SOX5: variants seen among roughly 807,000 people sequenced by gnomAD.
The protein encoded by SOX5 is transcription factor SOX-5.
A neutral mutation model predicts 92.0 loss-of-function variants in SOX5; 9 were observed. That is an observed-to-expected ratio of 0.10 (90% confidence interval 0.06 to 0.17). The LOEUF (loss-of-function observed/expected upper bound fraction) is 0.17. SOX5 is among the 10% of genes least tolerant of loss of function. SOX5 has a pLI of 1.00. For missense variants in SOX5, 642 were observed against 944.5 expected, an observed-to-expected ratio of 0.68 and a Z score of 4.20; for synonymous variants, 344 against 336.3, an observed-to-expected ratio of 1.02 and a Z score of -0.25.
intron 3 of SOX5, among the ~76,000 whole-genome samples, chr12:23,820,448 T>G (rs576486366): frequency 1.2e-4 from 18 of 152,364 alleles, no homozygotes; most frequent in African/African-American, 4.3e-4. Context: ...TTTGTCAATT[T>G]TGGCTTGTGT....
chr12:24,474,049 A>G (rs1196831949), intron 1 of SOX5, among the ~76,000 whole-genome samples: 2 of 152,318 alleles, frequency 1.3e-5, no homozygotes, highest in Middle Eastern at 3.4e-3. Flanking sequence ...TACATAAAAC[A>G]TAAACATGGT....
chr12:24,435,515 A>G (rs949812120), intron 1 of SOX5, among the ~76,000 whole-genome samples: 9 of 152,230 alleles, frequency 5.9e-5, no homozygotes, highest in African/African-American at 2.2e-4. Flanking sequence ...CTACTACTAG[A>G]TTATACATTT....
In SOX5 at chr12:24,009,289, G is replaced by A. The variant is rs548733773; in HGVS notation, c.-1-113265C>T. ...TGTTTAAGCCTCTGAGTGTTGGGTT[G>A]GTTTTTAATGTAGCTATAGATAAAC... On this transcript the variant is annotated intron_variant, in intron 4 of 4. Coordinates refer to the SOX5 transcript ENST00000446891. 2.7e-4 allele frequency among the ~76,000 whole-genome samples: 41 copies of A among 152,256 alleles called. No homozygotes were observed. In the South Asian group the frequency reaches 6.4e-3, roughly 24 times the overall value.
At chr12:24,260,187 AC>A (rs1941879747) in intron 3 of SOX5, among the ~76,000 whole-genome samples, 1 of 152,220 alleles carries the variant, frequency 6.6e-6, no homozygotes, top group African/African-American at 2.4e-5. Flanking sequence ...AAACAGGCAC[AC>A]TGGAGAAGAG....
At chr12:24,490,389 T>G (rs1239537204) in intron 1 of SOX5, among the ~76,000 whole-genome samples, 1 of 152,224 alleles carries the variant, frequency 6.6e-6, no homozygotes, top group African/African-American at 2.4e-5. Flanking sequence ...AATAGATTGC[T>G]TTTATAGTAC....
intron 9 of SOX5, among the ~76,000 whole-genome samples, chr12:23,595,287 G>A (rs1194952556): frequency 2.0e-5 from 3 of 152,122 alleles, no homozygotes; most frequent in Admixed American, 1.3e-4. Context: ...TATTGTTTGG[G>A]ATCCTGATTA....
intron 3 of SOX5, chr12:23,762,622 A>AG: frequency 1.8e-6 from 1 of 541,322 alleles, no homozygotes; most frequent in Non-Finnish European, 3.3e-6. Flanking sequence ...AGAAAAAAAA[A>AG]AAAGTCTTTG....
At chr12:23,626,993 A>G (rs1352472045) in intron 8 of SOX5, among the ~76,000 whole-genome samples, 1 of 152,170 alleles carries the variant, frequency 6.6e-6, no homozygotes, top group Non-Finnish European at 1.5e-5. Flanking sequence ...GTATTTGTAG[A>G]GCAATATGGG....
chr12:24,179,260 T>C (rs1955188760), intron 4 of SOX5, among the ~76,000 whole-genome samples: 1 of 152,228 alleles, frequency 6.6e-6, no homozygotes. Flanking sequence ...ACACTTTCCA[T>C]GGAAAAGGTG....
intron 6 of SOX5, among the ~76,000 whole-genome samples, chr12:23,721,937 C>T (rs1269024450): frequency 1.3e-5 from 2 of 152,102 alleles, no homozygotes; most frequent in African/African-American, 2.4e-5. Context: ...TATGGGTTAT[C>T]GAACTGAAAC....
chr12:24,201,229 G>T (rs774187203), intron 4 of SOX5, among the ~76,000 whole-genome samples: 1 of 152,000 alleles, frequency 6.6e-6, no homozygotes, highest in Non-Finnish European at 1.5e-5. Context: ...TCCAGCAAAA[G>T]TATTTCCACT....
At chr12:24,034,042 T>C (rs1177716921) in intron 4 of SOX5, among the ~76,000 whole-genome samples, 1 of 152,058 alleles carries the variant, frequency 6.6e-6, no homozygotes, top group Non-Finnish European at 1.5e-5. Context: ...ACACCAAATT[T>C]AGGACTATCA....
intron 8 of SOX5, among the ~76,000 whole-genome samples, chr12:23,640,076 G>C (rs1231384535): frequency 1.3e-5 from 2 of 152,074 alleles, no homozygotes; most frequent in Non-Finnish European, 2.9e-5. Context: ...CATAATCACA[G>C]GTCCATACCG....
chr12:24,006,912 T>A (rs568028837), intron 4 of SOX5, among the ~76,000 whole-genome samples: 3 of 151,694 alleles, frequency 2.0e-5, no homozygotes, highest in Non-Finnish European at 4.4e-5. Flanking sequence ...GGCGGGAGGA[T>A]CACCTGAGGT....
chr12:24,048,005 C>A (rs948464232), intron 4 of SOX5, among the ~76,000 whole-genome samples: 1 of 152,224 alleles, frequency 6.6e-6, no homozygotes, highest in East Asian at 1.9e-4. Flanking sequence ...CAGGTGAATA[C>A]CTAAATCATC....
intron 2 of SOX5, among the ~76,000 whole-genome samples, chr12:23,882,228 A>G (rs2097000994): frequency 6.6e-6 from 1 of 152,184 alleles, no homozygotes; most frequent in Non-Finnish European, 1.5e-5. Context: ...CTTGCTGGTA[A>G]CATAGAAGCA....
chr12:24,160,654 A>G (rs148696956), intron 4 of SOX5, among the ~76,000 whole-genome samples: 1 of 152,174 alleles, frequency 6.6e-6, no homozygotes, highest in East Asian at 1.9e-4. Flanking sequence ...GAAAGGGAAG[A>G]AAGGTTGGAT....
chr12:24,464,323 ATTT>A (rs11332671), intron 1 of SOX5, among the ~76,000 whole-genome samples: 65 of 138,732 alleles, frequency 4.7e-4, no homozygotes, highest in Middle Eastern at 3.8e-3. Context: ...GTGAGAGTTA[ATTT>A]TTTTTTTTTT....
chr12:24,175,527 AC>A (rs1954711233), intron 4 of SOX5, among the ~76,000 whole-genome samples: 1 of 152,188 alleles, frequency 6.6e-6, no homozygotes, highest in Non-Finnish European at 1.5e-5. Flanking sequence ...ACACAGACAC[AC>A]CCTCATCCCT....
Sources: gnomAD v4.1 joint callset for allele counts (sites outside exome capture counted in the v4.1 genomes callset) on GRCh38, gnomAD v4.1.1 for gene constraint, MANE v1.5 for transcripts, NCBI Gene and HGNC (gene_info 2026-07-23, HGNC 2026-07-21) for gene names.